The following KCTD1 variants were observed in gnomAD, a reference collection of about 807,000 sequenced individuals.
The protein encoded by KCTD1 is potassium channel tetramerization domain containing 1, also known as BTB/POZ domain-containing protein KCTD1.
A neutral mutation model predicts 66.0 loss-of-function variants in KCTD1; 24 were observed. The observed-to-expected ratio is 0.36, with a 90% CI of 0.26 to 0.51. The LOEUF (loss-of-function observed/expected upper bound fraction) is 0.51, where lower values mean the gene tolerates loss of function less well. KCTD1 is among the 20% of genes least tolerant of loss of function. The pLI, the probability that KCTD1 is intolerant of heterozygous loss-of-function variation, is 0.95. For missense variants in KCTD1, 943 were observed against 1,205.2 expected (o/e 0.78, Z 3.22); for synonymous variants, 511 against 517.2 (o/e 0.99, Z 0.16).
In KCTD1 at chr18:26,547,555, C is replaced by A; in HGVS notation, c.982G>T (p.Glu328Ter). The change falls in exon 1 of 5, where the codon GAG (glutamate) becomes TAG (stop). Residue 328 changes from glutamate to a stop codon, truncating the protein, a stop_gained. Coordinates refer to ENST00000580059, the MANE Select transcript of KCTD1 (RefSeq NM_001142730.3). LOFTEE classifies it high-confidence loss of function. ...AGCCCAAAAGAGTCCTCCTCCAACT[C>A]ACGCTGGTTCTCGCGGCCGCGGGTA... The part of the protein sequence containing the change: ...FCTRGRENQR[E>*]LEEDSFGLAM... 1 of 1,551,644 alleles carries A rather than the reference C, an allele frequency of 6.4e-7. No homozygotes were observed. The highest frequency in any genetic ancestry group is 8.7e-7 in the Non-Finnish European group (1 of 1,146,968).
chr18:26,549,351 C>G, upstream of KCTD1: 1 of 985,454 alleles, frequency 1.0e-6, no homozygotes. Context: ...ACATCCCTTT[C>G]GACTTTTCCA....
chr18:26,572,728 A>G lies in KCTD1; in HGVS notation c.-16+56419T>C, dbSNP rs185566837. On this transcript the variant is annotated intron_variant, in intron 1 of 4. Coordinates refer to the KCTD1 transcript ENST00000317932. ...ATTATTTTTTCAGGAACTGCCCCCC[A>G]TGGTGGTAAACCCTGAGATACTAAA... 2.9e-3 allele frequency among the ~76,000 whole-genome samples: 448 copies of G among 152,276 alleles called. 4 individuals are homozygous for G. The highest frequency in any genetic ancestry group is 1.0e-3 in the Non-Finnish European group (69 of 68,024).
intron 1 of KCTD1, chr18:26,600,067 G>A (rs1015484296): frequency 6.2e-7 from 1 of 1,611,098 alleles, no homozygotes; most frequent in African/African-American, 1.3e-5. Context: ...GCTGGATCCA[G>A]AAGATTTGAA....
At position 26,587,863 on chromosome 18, in the gene KCTD1, T is replaced by C. The variant is rs577511138; in HGVS notation, c.-16+41284A>G. On this transcript the variant is annotated intron_variant, in intron 1 of 4. Transcript: ENST00000317932. ...GAAAACGTTAACAGATGTGGAGTTG[T>C]TTCTTATAAATGAGCAAATAAAGTG... Among the ~76,000 whole-genome samples the C allele has an allele frequency of 4.6e-4, 70 of 152,350 alleles. No homozygotes were observed. In the South Asian group the frequency reaches 0.014, roughly 31 times the overall value.
chr18:26,649,269 G>A (rs183716708), intron 1 of KCTD1, among the ~76,000 whole-genome samples: 1 of 152,296 alleles, frequency 6.6e-6, no homozygotes, highest in Admixed American at 6.5e-5. Context: ...GTAGACGCTG[G>A]AGGTTAACAG....
chr18:26,548,751 G>C, upstream of KCTD1: 1 of 1,109,246 alleles, frequency 9.0e-7, no homozygotes, highest in Non-Finnish European at 1.1e-6. Context: ...AAGTTAGACC[G>C]GAGAGATAGG....
intron 1 of KCTD1, among the ~76,000 whole-genome samples, chr18:26,587,266 T>C (rs1476705921): frequency 6.6e-6 from 1 of 152,180 alleles, no homozygotes; most frequent in Non-Finnish European, 1.5e-5. Flanking sequence ...AAACGAAGCC[T>C]GGATAAAAGC....
chr18:26,594,943 C>A (rs1026242197), intron 1 of KCTD1, among the ~76,000 whole-genome samples: 1 of 151,966 alleles, frequency 6.6e-6, no homozygotes. Flanking sequence ...ATTATGTGAG[C>A]CAATCCCTTA....
intron 1 of KCTD1, among the ~76,000 whole-genome samples, chr18:26,651,799 A>AAAAGAAGAAGAAGAAGAAG (rs764181233): frequency 1.7e-5 from 2 of 117,116 alleles, no homozygotes; most frequent in African/African-American, 7.1e-5. Flanking sequence ...AAAAAAAAAA[A>AAAAGAAGAAGAAGAAGAAG]AAGAAGAAGA....
At chr18:26,527,156 T>C (rs956754970) in intron 1 of KCTD1, among the ~76,000 whole-genome samples, 1 of 152,012 alleles carries the variant, frequency 6.6e-6, no homozygotes, top group Non-Finnish European at 1.5e-5. Context: ...ATACACATCC[T>C]CACGGACTGG....
At chr18:26,588,284 A>C (rs1370206833) in intron 1 of KCTD1, among the ~76,000 whole-genome samples, 1 of 120,506 alleles carries the variant, frequency 8.3e-6, no homozygotes, top group Non-Finnish European at 1.8e-5. Flanking sequence ...AAAGAAAAGA[A>C]AGAAAGAGGG....
intron 2 of KCTD1, among the ~76,000 whole-genome samples, chr18:26,493,215 A>G (rs1438618365): frequency 6.6e-6 from 1 of 152,308 alleles, no homozygotes; most frequent in East Asian, 1.9e-4. Flanking sequence ...TAGGATACCC[A>G]GTATGACTCA....
chr18:26,649,547 C>T (rs913053315), intron 1 of KCTD1, among the ~76,000 whole-genome samples: 2 of 152,062 alleles, frequency 1.3e-5, no homozygotes, highest in Non-Finnish European at 2.9e-5. Flanking sequence ...CTTGCTCTGT[C>T]GCCCAGGCTG....
intron 4 of KCTD1, chr18:26,457,271 G>A (rs555181011): frequency 1.3e-5 from 2 of 152,220 alleles, no homozygotes; most frequent in Admixed American, 1.3e-4. Context: ...ATAAGGACAG[G>A]AAGAAAACAA....
At chr18:26,516,650 G>A (rs976131870) in intron 1 of KCTD1, among the ~76,000 whole-genome samples, 2 of 152,192 alleles carry the variant, frequency 1.3e-5, no homozygotes, top group African/African-American at 2.4e-5. Context: ...AAAATCAGGT[G>A]GTGAGTACCA....
chr18:26,552,872 G>A (rs774283879), upstream of KCTD1, among the ~76,000 whole-genome samples: 2 of 152,050 alleles, frequency 1.3e-5, no homozygotes, highest in African/African-American at 2.4e-5. Context: ...TAAAAGAGAC[G>A]CCATACTGTC....
upstream of KCTD1, chr18:26,548,623 A>G: frequency 1.7e-6 from 2 of 1,156,138 alleles, no homozygotes; most frequent in Non-Finnish European, 2.1e-6. Context: ...AATGACCTTC[A>G]GCTACCGGGA....
intron 3 of KCTD1, among the ~76,000 whole-genome samples, chr18:26,462,630 T>G (rs1980495976): frequency 6.6e-6 from 1 of 152,182 alleles, no homozygotes; most frequent in Non-Finnish European, 1.5e-5. Flanking sequence ...CATTGGCCAT[T>G]CATTTTCTTG....
At chr18:26,560,530 AC>A (rs1247283213) in intron 1 of KCTD1, among the ~76,000 whole-genome samples, 1 of 152,140 alleles carries the variant, frequency 6.6e-6, no homozygotes, top group African/African-American at 2.4e-5. Context: ...GGGCATGGGG[AC>A]TTTTCAAAGT....
Sources: gnomAD v4.1 joint callset for allele counts (sites outside exome capture counted in the v4.1 genomes callset) on GRCh38, gnomAD v4.1.1 for gene constraint, MANE v1.5 for transcripts, NCBI Gene and HGNC (gene_info 2026-07-23, HGNC 2026-07-21) for gene names.